XYLT2: variants seen among roughly 807,000 people sequenced by gnomAD.
The protein encoded by XYLT2 is xylosyltransferase 2, also known as UDP-D-xylose:proteoglycan core protein beta-D-xylosyltransferase.
XYLT2 carries 37 observed loss-of-function variants against 82.6 expected under a neutral mutation model. The ratio of observed to expected loss-of-function variants is 0.45; its 90% CI spans 0.34 to 0.59. XYLT2 has a LOEUF of 0.59. XYLT2 is among the 20% of genes least tolerant of loss of function. XYLT2 has a pLI of 0.01. For synonymous variants in XYLT2, 474 were observed against 499.0 expected, an observed-to-expected ratio of 0.95 and a Z score of 0.67; for missense variants, 934 against 1,181.3, an observed-to-expected ratio of 0.79 and a Z score of 3.07.
At position 50,346,227 on chromosome 17, in the gene XYLT2, C is replaced by A; in HGVS notation, c.87C>A (p.Gly29=). ...ATALAILLLQ[G]LVVWSFSGLE... ...CGCTGGCCATCCTGCTGCTGCAGGG[C>A]CTGGTAGTGTGGAGCTTCAGCGGCC... Residue 29 remains glycine (G), a synonymous_variant, in exon 1 of 11, where the codon GGC becomes GGA. Transcript: ENST00000017003. This position sits in a 1 kb window ranked among gnomAD's most constrained non-coding sequence, Gnocchi z 5.1. 7.9e-7 allele frequency: 1 copy of A among 1,264,520 alleles called. No homozygotes were observed. The highest frequency in any genetic ancestry group is 1.0e-6 in the Non-Finnish European group (1 of 977,906). The allele number at this position is 1,264,520 out of a possible 1,614,324, so 78.3% of individuals were successfully genotyped here. A position where few individuals can be genotyped will look rare whatever the true frequency, so the allele number is the denominator to read the frequency against.
chr17:50,348,326 G>C (rs1459341385), intron 1 of XYLT2, among the ~76,000 whole-genome samples: 1 of 152,214 alleles, frequency 6.6e-6, no homozygotes, highest in Non-Finnish European at 1.5e-5. Context: ...GAGGTGGGCA[G>C]GAGAGTTCAG....
rs1423040693 is a variant in XYLT2, at chr17:50,358,457, T to C, written c.2192T>C (p.Leu731Pro). Residue 731 changes from leucine (L) to proline (P), a missense_variant, in exon 10 of 11, where the codon CTC becomes CCC. By Grantham distance (98) the Leu-to-Pro change is moderately conservative (BLOSUM62 -3). Coordinates refer to ENST00000017003, the MANE Select transcript of XYLT2 (RefSeq NM_022167.4). Reference protein sequence around the residue: ...PLRPGPWTVRLLQFWEPLGET... With the variant: ...PLRPGPWTVRPLQFWEPLGET... ...CGGCCAGGGCCCTGGACTGTTCGAC[T>C]CCTTCAGTTCTGGGAACCGCTGGGT... is the stretch of plus-strand genomic sequence containing the variant. 6.2e-7 allele frequency: 1 copy of C among 1,614,182 alleles called. No individual in the cohort carries two copies. The highest frequency in any genetic ancestry group is 8.5e-7 in the Non-Finnish European group (1 of 1,180,036).
chr17:50,358,653 A>G, intron 10 of XYLT2, 113 bp downstream of exon 10: 1 of 1,138,154 alleles, frequency 8.8e-7, no homozygotes. Flanking sequence ...AGAGTCAGGG[A>G]AGCATGGAAG....
Position 50,358,401 on chromosome 17 carries a change from G to A in XYLT2, c.2136G>A (p.Thr712=), listed in dbSNP as rs148916031. Residue 712 remains threonine (T), a synonymous_variant, in exon 10 of 11, where the codon ACG becomes ACA. Transcript: ENST00000017003. ...DITVDTETEV[T]QYKPPLSRPL... is the part of the protein sequence containing the mutation. ...CAGTAGATACGGAGACTGAGGTCAC[G>A]CAATACAAGCCCCCACTGAGCCGGC... 2.4e-5 allele frequency: 38 copies of A among 1,613,992 alleles called. No individual in the cohort carries two copies. Among genetic ancestry groups the A allele is most frequent in the Non-Finnish European group, 3.1e-5 (37 of 1,180,064 alleles).
At chr17:50,356,469 G>A in intron 7 of XYLT2, 42 bp from the exon 8 acceptor site, 2 of 1,603,042 alleles carry the variant, frequency 1.2e-6, no homozygotes, top group Non-Finnish European at 1.7e-6. Flanking sequence ...TGCCCTCTGG[G>A]GCTTCCAGAG....
Position 50,360,033 on chromosome 17 carries a change from C to G in XYLT2, c.2340C>G (p.Gly780=). 6.2e-7 allele frequency: 1 copy of G among 1,613,852 alleles called. No individual in the cohort carries two copies. ...HNEYMEQSFQ[G]LSSILNLPQP... is the part of the protein sequence containing the mutation. The stretch of plus-strand genomic sequence containing the variant: ...AGTACATGGAGCAGAGTTTCCAGGG[C>G]CTGAGTAGCATCCTGAACCTGCCTC... Residue 780 remains glycine (G), a synonymous_variant, in exon 11 of 11, where the codon GGC becomes GGG. Transcript: ENST00000017003.
At position 50,346,241 on chromosome 17, in the gene XYLT2, G is replaced by T; in HGVS notation, c.101G>T (p.Ser34Ile). ...ILLLQGLVVW[S>I]FSGLEEDEAG... is the part of the protein sequence containing the mutation. ...CTGCTGCAGGGCCTGGTAGTGTGGA[G>T]CTTCAGCGGCCTGGAGGAGGACGAG... Residue 34 changes from serine (S) to isoleucine (I), a missense_variant, in exon 1 of 11, where the codon AGC becomes ATC. Around this residue, in one of 3 missense-constraint regions of XYLT2, gnomAD observed 371 missense variants for 394.9 expected, o/e 0.94. Transcript: ENST00000017003. This position sits in a 1 kb window ranked among gnomAD's most constrained non-coding sequence, Gnocchi z 5.1. The T allele has an allele frequency of 8.1e-7, 1 of 1,236,930 alleles. No homozygotes were observed. Among genetic ancestry groups the T allele is most frequent in the Non-Finnish European group, 1.0e-6 (1 of 963,348 alleles). The allele number at this position is 1,236,930 out of a possible 1,614,324, so 76.6% of individuals were successfully genotyped here.
chr17:50,353,695 A>T lies in XYLT2; in HGVS notation c.201A>T (p.Ser67=). Residue 67 remains serine (S), a synonymous_variant, in exon 2 of 11, where the codon TCA becomes TCT. Coordinates refer to ENST00000017003, the MANE Select transcript of XYLT2 (RefSeq NM_022167.4). The part of the protein sequence containing the change: ...PGEGSKDTDS[S]AGRRGSTGRR... ...AGGGTTCCAAGGACACAGACAGTTCAGCAGGGCGACGGGGCAGCACAGGCA... is the reference window on the plus strand; with the variant it reads ...AGGGTTCCAAGGACACAGACAGTTCTGCAGGGCGACGGGGCAGCACAGGCA... The T allele has an allele frequency of 6.4e-7, 1 of 1,563,736 alleles. No homozygotes were observed. Among genetic ancestry groups the T allele is most frequent in the Non-Finnish European group, 8.7e-7 (1 of 1,153,120 alleles).
intron 5 of XYLT2, 47 bp downstream of exon 5, chr17:50,355,628 C>A (rs1912487488): frequency 1.2e-6 from 2 of 1,609,640 alleles, no homozygotes; most frequent in South Asian, 2.2e-5. Flanking sequence ...CTTGTCCCAA[C>A]CCCTCCCACA....
Position 50,360,339 on chromosome 17 carries a change from C to T in XYLT2, c.*48C>T. On this transcript the variant is annotated 3_prime_UTR_variant, in exon 11 of 11. Transcript: ENST00000017003. ...GGAGGACCCGGGAAATTGCACCTTA[C>T]AGACAGTGGAGGGGTGTCCCCTCCC... 4.0e-6 allele frequency: 6 copies of T among 1,503,226 alleles called. No individual in the cohort carries two copies. The highest frequency in any genetic ancestry group is 2.7e-5 in the South Asian group (2 of 74,108). 93.1% of individuals were successfully genotyped at this position (1,503,226 alleles called of 1,614,324 possible). A position where few individuals can be genotyped will look rare whatever the true frequency, so the allele number is the denominator to read the frequency against.
chr17:50,346,371 G>C lies in XYLT2; in HGVS notation c.135+96G>C. The C allele has an allele frequency of 1.0e-6, 1 of 985,690 alleles. No individual in the cohort carries two copies. The highest frequency in any genetic ancestry group is 1.2e-6 in the Non-Finnish European group (1 of 829,660). The allele number at this position is 985,690 out of a possible 1,614,324, so 61.1% of individuals were successfully genotyped here. On this transcript the variant is annotated intron_variant, in intron 1 of 10. Transcript: ENST00000017003. The surrounding 1 kb of genome is among the most constrained non-coding windows in gnomAD (Gnocchi z 5.1). ...GGCCCCAGCCGGGGAAGTGGGGCAC[G>C]GGCCGCGTGCGTGCGTGCGGGGCGC...
rs1174572219 is a variant in XYLT2 at position 50,356,258 on chromosome 17, G to C, written c.1479G>C (p.Leu493=). The change falls in exon 7 of 11, where the codon CTG becomes CTC. Residue 493 remains leucine, a synonymous_variant. Transcript: ENST00000017003. The part of the protein sequence containing the change: ...NDFKPQDFLR[L]QQVSRPTFFA... Reference sequence around the variant, plus strand: ...TCAAGCCACAGGACTTCCTCCGGCTGCAGGTGCTTGCCCGAGGCCCCAAGG... The same window carrying C: ...TCAAGCCACAGGACTTCCTCCGGCTCCAGGTGCTTGCCCGAGGCCCCAAGG... 6.2e-7 allele frequency: 1 copy of C among 1,612,866 alleles called. No individual in the cohort carries two copies. The highest frequency in any genetic ancestry group is 1.3e-5 in the African/African-American group (1 of 75,062).
intron 1 of XYLT2, among the ~76,000 whole-genome samples, chr17:50,347,741 G>C (rs781229095): frequency 6.6e-6 from 1 of 152,168 alleles, no homozygotes; most frequent in Non-Finnish European, 1.5e-5. Context: ...AAGCTTGTGC[G>C]GTCCAGGCAC....
rs374014693 is a variant in XYLT2 at position 50,356,735 on chromosome 17, C to T, written c.1707C>T (p.Ala569=). The change falls in exon 8 of 11, where the codon GCC becomes GCT. Residue 569 remains alanine, a synonymous_variant. Transcript: ENST00000017003. The part of the protein sequence containing the change: ...TAFARLSLHH[A]ATAAPPMGTP... ...TCGCCCGCCTCAGCCTGCACCATGC[C>T]GCCACTGCTGCACCCCCAATGGGCA... 24 of 1,607,178 alleles carry T rather than the reference C, an allele frequency of 1.5e-5. No individual in the cohort carries two copies. The highest frequency in any genetic ancestry group is 1.6e-4 in the Middle Eastern group (1 of 6,082).
chr17:50,347,498 G>T (rs538571177), intron 1 of XYLT2, among the ~76,000 whole-genome samples: 15 of 152,204 alleles, frequency 9.9e-5, no homozygotes, highest in Admixed American at 4.6e-4. Flanking sequence ...ACATCCGTGG[G>T]GTGTAGACCT....
In XYLT2 at chr17:50,360,607, T is replaced by C. The variant is rs9898777; in HGVS notation, c.*316T>C. 1,779 of 1,070,588 alleles carry C rather than the reference T, an allele frequency of 1.7e-3. 24 individuals are homozygous for C. In the African/African-American group the frequency reaches 0.031, roughly 18 times the overall value. The allele number at this position is 1,070,588 out of a possible 1,614,324, so 66.3% of individuals were successfully genotyped here. The stretch of plus-strand genomic sequence containing the variant: ...TTTTTTTTTAATTTAAAAAGGAAAA[T>C]GGGTGGTTGGGAGAGAAACTAGAAC... On this transcript the variant is annotated 3_prime_UTR_variant, in exon 11 of 11. Coordinates refer to ENST00000017003, the MANE Select transcript of XYLT2 (RefSeq NM_022167.4).
In XYLT2 at chr17:50,358,187, A is replaced by G. The variant is rs774451348; in HGVS notation, c.1942-20A>G. On this transcript the variant is annotated intron_variant, in intron 9 of 10. Coordinates refer to ENST00000017003, the MANE Select transcript of XYLT2 (RefSeq NM_022167.4). The stretch of plus-strand genomic sequence containing the variant: ...GGACCTTTCCCCCACACTCCTGCCC[A>G]GCTGCCTCTCTCTCTACAGGTTGGC... 4 of 1,560,728 alleles carry G rather than the reference A, an allele frequency of 2.6e-6. No homozygotes were observed. The South Asian group carries it at 4.7e-5, about 18-fold the overall frequency.
intron 9 of XYLT2, 85 bp downstream of exon 9, chr17:50,357,337 G>A (rs1278703271): frequency 7.3e-7 from 1 of 1,365,140 alleles, no homozygotes; most frequent in East Asian, 2.6e-5. Context: ...CCAAGGGAGG[G>A]GTAAGGTTAT....
In XYLT2 at chr17:50,353,936, G is replaced by A; in HGVS notation, c.442G>A (p.Glu148Lys). 3 of 1,607,564 alleles carry A rather than the reference G, an allele frequency of 1.9e-6. No homozygotes were observed. Among genetic ancestry groups the A allele is most frequent in the African/African-American group, 1.3e-5 (1 of 75,042 alleles). ...FPPHGDTGSV[E>K]GAPQPTDNGF... ...ACCACACGGAGATACAGGGAGCGTG[G>A]AGGGCGCCCCCCAGCCCACGGACAA... is the stretch of plus-strand genomic sequence containing the variant. Residue 148 changes from glutamate to lysine, a missense_variant, in exon 2 of 11, where the codon GAG becomes AAG. Transcript: ENST00000017003.
Sources: allele counts gnomAD v4.1 joint callset (sites outside exome capture counted in the v4.1 genomes callset), GRCh38; gene constraint gnomAD v4.1.1; regional missense constraint gnomAD v4.1.1; non-coding constraint Gnocchi (gnomAD v3.1); transcripts MANE v1.5; gene names NCBI Gene and HGNC (gene_info 2026-07-23, HGNC 2026-07-21).